NLRC5: variants seen among roughly 807,000 people sequenced by gnomAD.
NLRC5 encodes protein NLRC5.
NLRC5 carries 114 observed loss-of-function variants against 206.9 expected under a neutral mutation model. The ratio of observed to expected loss-of-function variants is 0.55; its 90% CI spans 0.47 to 0.64. The LOEUF (loss-of-function observed/expected upper bound fraction) is 0.64, where lower values mean the gene tolerates loss of function less well. NLRC5 is among the 30% of genes least tolerant of loss of function. NLRC5 has a pLI of 0.00. For synonymous variants in NLRC5, 952 were observed against 962.8 expected, an observed-to-expected ratio of 0.99 and a Z score of 0.21; for missense variants, 2,008 against 2,305.5, an observed-to-expected ratio of 0.87 and a Z score of 2.64.
intron 34 of NLRC5, among the ~76,000 whole-genome samples, chr16:57,066,992 T>C (rs2067149947): frequency 6.6e-6 from 1 of 152,190 alleles, no homozygotes; most frequent in African/African-American, 2.4e-5. Context: ...ACCCCAAGGC[T>C]TAGTCAAACA....
At chr16:56,999,231 AGTTTCAACAT>A (rs2057980904) in intron 1 of NLRC5, among the ~76,000 whole-genome samples, 1 of 152,294 alleles carries the variant, frequency 6.6e-6, no homozygotes, top group South Asian at 2.1e-4. Flanking sequence ...TAGGGGTTAG[AGTTTCAACAT>A]GTGAATTTCA....
chr16:57,008,125 C>T (rs997660845), intron 1 of NLRC5, among the ~76,000 whole-genome samples: 4 of 151,976 alleles, frequency 2.6e-5, no homozygotes, highest in Admixed American at 6.6e-5. Flanking sequence ...TAGTGGCTCA[C>T]ACCTGCAATC....
intron 13 of NLRC5, among the ~76,000 whole-genome samples, chr16:57,035,555 C>T (rs1473251850): frequency 6.6e-6 from 1 of 152,216 alleles, no homozygotes; most frequent in Admixed American, 6.5e-5. Flanking sequence ...GAATGTACTG[C>T]TTCTACCACC....
At position 57,079,583 on chromosome 16, in the gene NLRC5, C is replaced by T; in HGVS notation, c.5275C>T (p.Leu1759Phe). 1 of 1,614,110 alleles carries T rather than the reference C, an allele frequency of 6.2e-7. No individual in the cohort carries two copies. The highest frequency in any genetic ancestry group is 8.5e-7 in the Non-Finnish European group (1 of 1,180,004). ...TAAGATTGACAACCAGACTGCCAAGCTCCTCACCTCCAGCTTCACGAGCTG... is the reference window on the plus strand; with the variant it reads ...TAAGATTGACAACCAGACTGCCAAGTTCCTCACCTCCAGCTTCACGAGCTG... ...SCKIDNQTAK[L>F]LTSSFTSCPA... The change falls in exon 46 of 49, where the codon CTC becomes TTC. Residue 1759 changes from leucine (L) to phenylalanine (F), a missense_variant. Coordinates refer to ENST00000688547, the MANE Select transcript of NLRC5 (RefSeq NM_001384950.1).
At chr16:57,007,632 G>A (rs2059061010) in intron 1 of NLRC5, among the ~76,000 whole-genome samples, 1 of 152,158 alleles carries the variant, frequency 6.6e-6, no homozygotes, top group Non-Finnish European at 1.5e-5. Context: ...GGGAGGCTGA[G>A]GCAGAAGAAT....
rs1252472207 is a variant in NLRC5, at chr16:57,081,170, G to T, written c.5394G>T (p.Leu1798=). ...AGGTGCTGCCGCAGATGGGCCGGCT[G>T]AAGAGAGTGGAGTATGAGGGGCCGG... The part of the protein sequence containing the change: ...LAQVLPQMGR[L]KRVDLEKNQI... The change falls in exon 47 of 49, where the codon CTG becomes CTT. Residue 1798 remains leucine (L), a synonymous_variant. Transcript: ENST00000688547. 1 of 1,541,662 alleles carries T rather than the reference G, an allele frequency of 6.5e-7. No homozygotes were observed. The highest frequency in any genetic ancestry group is 8.7e-7 in the Non-Finnish European group (1 of 1,147,344).
chr16:57,062,068 A>G, intron 32 of NLRC5: 1 of 1,303,342 alleles, frequency 7.7e-7, no homozygotes, highest in Non-Finnish European at 9.9e-7. Flanking sequence ...AGTAGAAAGA[A>G]TAATTTTTTA....
At chr16:57,070,501 G>A (rs1315763340) in intron 37 of NLRC5, 34 bp from the exon 38 acceptor site, 1 of 1,597,138 alleles carries the variant, frequency 6.3e-7, no homozygotes, top group Non-Finnish European at 8.6e-7. Context: ...TGGGCAGGCT[G>A]CGCTAACCCT....
intron 30 of NLRC5, 25 bp downstream of exon 30, chr16:57,059,557 A>C (rs751501393): frequency 3.1e-6 from 5 of 1,589,220 alleles, no homozygotes; most frequent in Non-Finnish European, 4.3e-6. Context: ...GTGATGGGAC[A>C]GGGGACAGAG....
intron 1 of NLRC5, among the ~76,000 whole-genome samples, chr16:56,993,424 TA>T (rs1271971607): frequency 3.3e-5 from 5 of 152,192 alleles, no homozygotes; most frequent in African/African-American, 1.2e-4. Flanking sequence ...AACAGTGCTG[TA>T]ATGAATATCC....
At chr16:57,055,139 G>A (rs749875141) in intron 26 of NLRC5, 45 bp downstream of exon 26, 3 of 1,604,764 alleles carry the variant, frequency 1.9e-6, no homozygotes, top group Middle Eastern at 1.7e-4. Flanking sequence ...TGATGTTGGG[G>A]ACCAGTAGAT....
intron 43 of NLRC5, among the ~76,000 whole-genome samples, chr16:57,078,466 GTTTTTTTTT>G (rs71383218): frequency 3.3e-5 from 3 of 92,188 alleles, no homozygotes; most frequent in Admixed American, 1.2e-4. Flanking sequence ...CTGGGACCTT[GTTTTTTTTT>G]TTTTTTTTTT....
intron 47 of NLRC5, 31 bp downstream of exon 47, chr16:57,081,212 G>C: frequency 1.3e-6 from 2 of 1,529,468 alleles, no homozygotes; most frequent in Non-Finnish European, 1.8e-6. Context: ...AATGGGACGG[G>C]CTAAAGGGGG....
intron 28 of NLRC5, 80 bp downstream of exon 28, chr16:57,058,228 G>C: frequency 8.4e-7 from 1 of 1,193,952 alleles, no homozygotes. Flanking sequence ...GGCTCCTTCT[G>C]AGGGCATCCC....
intron 23 of NLRC5, among the ~76,000 whole-genome samples, chr16:57,051,108 C>T (rs1161050020): frequency 6.6e-6 from 1 of 152,196 alleles, no homozygotes; most frequent in Non-Finnish European, 1.5e-5. Context: ...ATCCACCCAC[C>T]TCAGCCTCCC....
intron 46 of NLRC5, chr16:57,080,701 T>C (rs1423255535): frequency 5.8e-6 from 1 of 173,150 alleles, no homozygotes; most frequent in East Asian, 1.8e-4. Context: ...GTTAGGCTCG[T>C]CTCAAACACC....
Position 57,031,434 on chromosome 16 carries a change from G to A in NLRC5, c.2448G>A (p.Pro816=), listed in dbSNP as rs770765455. The A allele has an allele frequency of 1.4e-5, 23 of 1,613,578 alleles. No homozygotes were observed. Among genetic ancestry groups the A allele is most frequent in the Admixed American group, 5.0e-5 (3 of 59,942 alleles). Reference sequence around the variant, plus strand: ...CGGACCTCATCTTCCTTCTTTCCCCGCCCACAGAGACAACTGCAGAGCTAC... The same window carrying A: ...CGGACCTCATCTTCCTTCTTTCCCCACCCACAGAGACAACTGCAGAGCTAC... ...READLIFLLS[P]PTETTAELQR... is the part of the protein sequence containing the mutation. Residue 816 remains proline, a synonymous_variant, in exon 11 of 49, where the codon CCG becomes CCA. Transcript: ENST00000688547.
In NLRC5 at chr16:57,049,071, C is replaced by G. The variant is rs138833169; in HGVS notation, c.3422+1443C>G. ...AGAAAAAGAATTGTCTTGGGCCACA[C>G]ATAAAATACACTAACACTAGCGATA... is the stretch of plus-strand genomic sequence containing the variant. On this transcript the variant is annotated intron_variant, in intron 23 of 48. Transcript: ENST00000688547. Among the ~76,000 whole-genome samples, 265 of 151,414 alleles carry G rather than the reference C, an allele frequency of 1.8e-3. 5 individuals are homozygous for G. The East Asian group carries it at 0.048, about 27-fold the overall frequency.
Position 57,068,384 on chromosome 16 carries a change from T to C in NLRC5, c.4499+556T>C, listed in dbSNP as rs1042399349. Among the ~76,000 whole-genome samples, 11 of 152,130 alleles carry C rather than the reference T, an allele frequency of 7.2e-5. No individual in the cohort carries two copies. The South Asian group carries it at 1.5e-3, about 20-fold the overall frequency. On this transcript the variant is annotated intron_variant, in intron 36 of 48. Transcript: ENST00000688547. ...AGGCTGAGGTTACAGTGAGCCAAGA[T>C]TGTGCCACTGCACTCTAGCCTAGGT...
Sources: allele counts gnomAD v4.1 joint callset (sites outside exome capture counted in the v4.1 genomes callset), GRCh38; gene constraint gnomAD v4.1.1; transcripts MANE v1.5; gene names NCBI Gene and HGNC (gene_info 2026-07-23, HGNC 2026-07-21).